Variants in KCNJ4 observed in about 807,000 individuals in gnomAD.
The protein encoded by KCNJ4 is potassium inwardly rectifying channel subfamily J member 4.
KCNJ4 carries 3 observed loss-of-function variants against 25.6 expected under a neutral mutation model. The ratio of observed to expected loss-of-function variants is 0.12; its 90% confidence interval spans 0.05 to 0.30. The LOEUF is 0.30. KCNJ4 is among the 10% of genes least tolerant of loss of function. KCNJ4 has a pLI of 1.00. For synonymous variants in KCNJ4, 257 were observed against 283.9 expected (o/e 0.91, Z 0.95); for missense variants, 286 against 666.8 (o/e 0.43, Z 6.29).
At chr22:38,446,145 C>T (rs1174198877) in intron 1 of KCNJ4, among the ~76,000 whole-genome samples, 2 of 152,244 alleles carry the variant, frequency 1.3e-5, no homozygotes, top group African/African-American at 4.8e-5. Context: ...CTCAGGCAGC[C>T]CACTTGACTG....
Position 38,426,736 on chromosome 22 carries a change from C to A in KCNJ4, c.*59G>T. The A allele has an allele frequency of 6.5e-7, 1 of 1,538,610 alleles. No individual in the cohort carries two copies. The highest frequency in any genetic ancestry group is 8.8e-7 in the Non-Finnish European group (1 of 1,136,800). ...TGTCCTGAGTGTGGGAGGGGGTGTC[C>A]TGGCATCCCACCCCCGGCAGAGGCT... On this transcript the variant is annotated 3_prime_UTR_variant, in exon 2 of 2. Transcript: ENST00000303592.
intron 1 of KCNJ4, among the ~76,000 whole-genome samples, chr22:38,430,184 C>T (rs1366384977): frequency 6.6e-6 from 1 of 152,200 alleles, no homozygotes; most frequent in Non-Finnish European, 1.5e-5. Context: ...CTGTTGACTA[C>T]TCTGAACCTC....
At chr22:38,433,170 G>A (rs996079929) in intron 1 of KCNJ4, among the ~76,000 whole-genome samples, 4 of 152,038 alleles carry the variant, frequency 2.6e-5, no homozygotes, top group Non-Finnish European at 5.9e-5. Context: ...ATTATTGGCC[G>A]GGTGCGGTGG....
chr22:38,432,098 T>C (rs2093051588), intron 1 of KCNJ4, among the ~76,000 whole-genome samples: 1 of 150,938 alleles, frequency 6.6e-6, no homozygotes, highest in African/African-American at 2.4e-5. Context: ...TACTAAAAAT[T>C]CAAAAAAATT....
chr22:38,451,731 C>T (rs2089411604), intron 1 of KCNJ4, among the ~76,000 whole-genome samples: 1 of 152,190 alleles, frequency 6.6e-6, no homozygotes, highest in Admixed American at 6.5e-5. Context: ...CATGGGTCCA[C>T]TTCCCCCTCA....
intron 1 of KCNJ4, among the ~76,000 whole-genome samples, chr22:38,450,347 A>C (rs1336690474): frequency 1.3e-5 from 2 of 152,098 alleles, no homozygotes; most frequent in African/African-American, 4.8e-5. Context: ...CTTTCAGCCC[A>C]GGTTCACATG....
At chr22:38,439,524 C>G (rs890801532) in intron 1 of KCNJ4, among the ~76,000 whole-genome samples, 1 of 152,178 alleles carries the variant, frequency 6.6e-6, no homozygotes, top group Non-Finnish European at 1.5e-5. Flanking sequence ...CGCCTGTAAT[C>G]CCGGCACTTT....
intron 1 of KCNJ4, among the ~76,000 whole-genome samples, chr22:38,446,821 T>C (rs1045514871): frequency 6.6e-6 from 1 of 151,812 alleles, no homozygotes; most frequent in Admixed American, 6.6e-5. Flanking sequence ...CCGAGCATGG[T>C]GGTGCGCACC....
chr22:38,435,576 C>G (rs2093063004), intron 1 of KCNJ4, among the ~76,000 whole-genome samples: 2 of 151,852 alleles, frequency 1.3e-5, no homozygotes, highest in African/African-American at 4.8e-5. Flanking sequence ...GCCTGTAATC[C>G]TAGCTACCTG....
intron 1 of KCNJ4, among the ~76,000 whole-genome samples, chr22:38,442,019 A>G (rs923446738): frequency 3.9e-5 from 6 of 152,096 alleles, no homozygotes; most frequent in African/African-American, 1.2e-4. Context: ...ATAGATACAC[A>G]TATTTGCTTG....
chr22:38,444,964 T>C (rs1266256809), intron 1 of KCNJ4, among the ~76,000 whole-genome samples: 4 of 152,126 alleles, frequency 2.6e-5, no homozygotes, highest in East Asian at 1.9e-4. Context: ...CTGTAAATAA[T>C]TGAGTGAACA....
chr22:38,447,980 C>G (rs1209481818), intron 1 of KCNJ4, among the ~76,000 whole-genome samples: 1 of 149,704 alleles, frequency 6.7e-6, no homozygotes, highest in Admixed American at 6.7e-5. Flanking sequence ...GGAAGAATCA[C>G]TTGAATCTGG....
chr22:38,432,285 A>AAATAAAT (rs10632921), intron 1 of KCNJ4, among the ~76,000 whole-genome samples: 27 of 120,892 alleles, frequency 2.2e-4, no homozygotes, highest in African/African-American at 1.0e-3. Context: ...ATAAATAAAT[A>AAATAAAT]AAATAAAATA....
chr22:38,441,142 G>C (rs1320314072), intron 1 of KCNJ4, among the ~76,000 whole-genome samples: 1 of 152,086 alleles, frequency 6.6e-6, no homozygotes, highest in Non-Finnish European at 1.5e-5. Context: ...GGGGAGGGAG[G>C]CCAGCTCACA....
chr22:38,453,200 C>T (rs899872626), intron 1 of KCNJ4, among the ~76,000 whole-genome samples: 1 of 152,136 alleles, frequency 6.6e-6, no homozygotes, highest in Non-Finnish European at 1.5e-5. Context: ...TCCAGGCTGG[C>T]GCACGCGGCT....
In KCNJ4 at chr22:38,426,756, G is replaced by C; in HGVS notation, c.*39C>G. ...GTGTCCTGGCATCCCACCCCCGGCA[G>C]AGGCTCTTGTGGGCAGTGGTGAGGG... On this transcript the variant is annotated 3_prime_UTR_variant, in exon 2 of 2. Transcript: ENST00000303592. 5 of 1,564,704 alleles carry C rather than the reference G, an allele frequency of 3.2e-6. No individual in the cohort carries two copies. Among genetic ancestry groups the C allele is most frequent in the Non-Finnish European group, 4.3e-6 (5 of 1,152,764 alleles).
At chr22:38,435,846 G>T (rs1012983338) in intron 1 of KCNJ4, among the ~76,000 whole-genome samples, 1 of 152,142 alleles carries the variant, frequency 6.6e-6, no homozygotes, top group African/African-American at 2.4e-5. Context: ...AACTTTGCAG[G>T]GAGGAAGAGA....
At chr22:38,447,646 G>A (rs574726937) in intron 1 of KCNJ4, among the ~76,000 whole-genome samples, 1 of 152,060 alleles carries the variant, frequency 6.6e-6, no homozygotes. Context: ...TCACTGAGGT[G>A]TCCCAGGGGC....
At chr22:38,453,697 G>A (rs1422300621) in intron 1 of KCNJ4, among the ~76,000 whole-genome samples, 1 of 152,178 alleles carries the variant, frequency 6.6e-6, no homozygotes, top group Admixed American at 6.5e-5. Context: ...GTTGGGAGGA[G>A]AGTGACCAGC....
Sources: allele counts gnomAD v4.1 joint callset (sites outside exome capture counted in the v4.1 genomes callset), GRCh38; gene constraint gnomAD v4.1.1; transcripts MANE v1.5; gene names NCBI Gene and HGNC (gene_info 2026-07-23, HGNC 2026-07-21).